Variants in TRIM36 observed in about 807,000 individuals in gnomAD.
TRIM36 encodes the protein tripartite motif containing 36, also known as E3 ubiquitin-protein ligase TRIM36.
TRIM36 carries 42 observed loss-of-function variants against 72.4 expected under a neutral mutation model. The ratio of observed to expected loss-of-function variants is 0.58; its 90% confidence interval spans 0.45 to 0.75. The LOEUF (loss-of-function observed/expected upper bound fraction) is 0.75. TRIM36 is among the 30% of genes least tolerant of loss of function. The pLI is 0.00. For synonymous variants in TRIM36, 315 were observed against 282.8 expected, an observed-to-expected ratio of 1.11 and a Z score of -1.14; for missense variants, 913 against 857.1, an observed-to-expected ratio of 1.07 and a Z score of -0.81.
At position 115,147,053 on chromosome 5, in the gene TRIM36, T is replaced by C. The variant is rs143381145; in HGVS notation, c.588+16A>G. On this transcript the variant is annotated intron_variant, in intron 3 of 9. Coordinates refer to ENST00000513154, the MANE Select transcript of TRIM36 (RefSeq NM_001300759.2). ...AAGTTAAAATAACATTCTAACTTAA[T>C]AAAAACTTCACTTACCTTGGGTCTG... 443 of 1,592,028 alleles carry C rather than the reference T, an allele frequency of 2.8e-4. No individual in the cohort carries two copies. In the African/African-American group the frequency reaches 5.0e-3, roughly 18 times the overall value.
At chr5:115,142,173 A>G (rs1753313847) in intron 4 of TRIM36, among the ~76,000 whole-genome samples, 1 of 152,194 alleles carries the variant, frequency 6.6e-6, no homozygotes, top group African/African-American at 2.4e-5. Flanking sequence ...GGCCAATCTG[A>G]GCATTTCAGG....
intron 2 of TRIM36, among the ~76,000 whole-genome samples, chr5:115,154,270 C>A (rs922105917): frequency 1.5e-4 from 22 of 151,590 alleles, no homozygotes; most frequent in Non-Finnish European, 1.2e-4. Flanking sequence ...GGATACCCCT[C>A]TAGAAACCAG....
chr5:115,163,881 A>G lies in TRIM36; in HGVS notation c.28-129T>C, dbSNP rs930410328. The G allele has an allele frequency of 5.8e-6, 5 of 855,982 alleles. No individual in the cohort carries two copies. In the African/African-American group the frequency reaches 6.8e-5, roughly 12 times the overall value. The allele number at this position is 855,982 out of a possible 1,614,324, so 53.0% of individuals were successfully genotyped here. A position where few individuals can be genotyped will look rare whatever the true frequency, so the allele number is the denominator to read the frequency against. On this transcript the variant is annotated intron_variant, in intron 1 of 9. Coordinates refer to ENST00000513154, the MANE Select transcript of TRIM36 (RefSeq NM_001300759.2). ...TAAGAAAATGATTTTCTAAATTTTA[A>G]ATTTCTTTTCCCCAATAAAATTTGA...
At chr5:115,143,603 A>G (rs1041550514) in intron 4 of TRIM36, among the ~76,000 whole-genome samples, 3 of 152,224 alleles carry the variant, frequency 2.0e-5, no homozygotes, top group Non-Finnish European at 4.4e-5. Context: ...GAGAAGGTAG[A>G]GCACAACATA....
At chr5:115,180,276 C>A, upstream of TRIM36, 1 of 435,742 alleles carries the variant, frequency 2.3e-6, no homozygotes, top group South Asian at 3.6e-5. Flanking sequence ...GCGGTCGGGG[C>A]TGCGCGATCT....
Position 115,143,080 on chromosome 5 carries a change from A to T in TRIM36, c.735+1518T>A, listed in dbSNP as rs188748902. Among the ~76,000 whole-genome samples, 1,213 of 152,220 alleles carry T rather than the reference A, an allele frequency of 8.0e-3. 7 individuals are homozygous for T. The highest frequency in any genetic ancestry group is 0.029 in the South Asian group (141 of 4,820). On this transcript the variant is annotated intron_variant, in intron 4 of 9. Coordinates refer to ENST00000513154, the MANE Select transcript of TRIM36 (RefSeq NM_001300759.2). ...ACTCCAGAGACACAAACAGTCTCCC[A>T]TACATATTCAGCAGTCCTCATCAAC...
chr5:115,149,008 C>A (rs1296411619), intron 2 of TRIM36: 1 of 152,152 alleles, frequency 6.6e-6, no homozygotes, highest in Non-Finnish European at 1.5e-5. Context: ...ATGTTAATAG[C>A]ATGCTATATG....
At chr5:115,158,519 G>T (rs972010054) in intron 2 of TRIM36, among the ~76,000 whole-genome samples, 1 of 152,186 alleles carries the variant, frequency 6.6e-6, no homozygotes, top group Non-Finnish European at 1.5e-5. Flanking sequence ...TTCTGGCTGC[G>T]ACTTCCCCAT....
chr5:115,151,748 T>C (rs1045228467), intron 2 of TRIM36, among the ~76,000 whole-genome samples: 1 of 152,164 alleles, frequency 6.6e-6, no homozygotes, highest in Non-Finnish European at 1.5e-5. Flanking sequence ...CAGAGCCTGG[T>C]ATACTTGCTG....
chr5:115,161,696 CCA>C (rs1459628082), intron 2 of TRIM36, among the ~76,000 whole-genome samples: 1 of 152,188 alleles, frequency 6.6e-6, no homozygotes, highest in Non-Finnish European at 1.5e-5. Context: ...GTTTCAGTCT[CCA>C]CAGTCCCAAA....
At chr5:115,136,865 T>C (rs1752989759) in intron 7 of TRIM36, 135 bp downstream of exon 7, 1 of 746,524 alleles carries the variant, frequency 1.3e-6, no homozygotes. Flanking sequence ...TAGGATATGA[T>C]TTCAGGATGC....
At chr5:115,178,696 T>C (rs1755461852) in intron 1 of TRIM36, among the ~76,000 whole-genome samples, 1 of 152,206 alleles carries the variant, frequency 6.6e-6, no homozygotes, top group African/African-American at 2.4e-5. Context: ...TCTCCAATTG[T>C]ACTTCTGGCC....
Position 115,125,578 on chromosome 5 carries a change from T to G in TRIM36, c.*925A>C, listed in dbSNP as rs532175245. On this transcript the variant is annotated 3_prime_UTR_variant, in exon 10 of 10. Transcript: ENST00000513154. ...AAATATAAATCAGGAAAACCTGATA[T>G]GTAATAATTGGGCCAAAAATGAAAA... The G allele has an allele frequency of 1.8e-4, 28 of 152,224 alleles. No homozygotes were observed. The highest frequency in any genetic ancestry group is 5.8e-4 in the African/African-American group (24 of 41,574). The allele number at this position is 152,224 out of a possible 1,614,324, so 9.4% of individuals were successfully genotyped here. A position where few individuals can be genotyped will look rare whatever the true frequency, so the allele number is the denominator to read the frequency against.
At chr5:115,136,690 T>C (rs1752982116) in intron 7 of TRIM36, among the ~76,000 whole-genome samples, 1 of 152,212 alleles carries the variant, frequency 6.6e-6, no homozygotes, top group Non-Finnish European at 1.5e-5. Flanking sequence ...GTTAAAATAT[T>C]GCTTTACACC....
intron 1 of TRIM36, chr5:115,177,536 GTC>G: frequency 7.3e-7 from 1 of 1,370,324 alleles, no homozygotes; most frequent in South Asian, 1.7e-5. Context: ...AGTCTCAAAG[GTC>G]TGCTATTCCA....
upstream of TRIM36, among the ~76,000 whole-genome samples, chr5:115,171,959 A>G (rs1430680089): frequency 6.6e-6 from 1 of 152,190 alleles, no homozygotes; most frequent in East Asian, 1.9e-4. Context: ...TGGTCCCATG[A>G]GATGTTTAAG....
chr5:115,150,619 C>G (rs758405013), intron 2 of TRIM36, among the ~76,000 whole-genome samples: 1 of 152,122 alleles, frequency 6.6e-6, no homozygotes, highest in South Asian at 2.1e-4. Context: ...TGCTCCAGAA[C>G]GACTACAGAA....
chr5:115,161,806 C>G (rs1035824061), intron 2 of TRIM36, among the ~76,000 whole-genome samples: 2 of 152,080 alleles, frequency 1.3e-5, no homozygotes, highest in African/African-American at 4.8e-5. Context: ...AAGGGAAAAT[C>G]AAATATTTAT....
intron 2 of TRIM36, among the ~76,000 whole-genome samples, chr5:115,152,900 A>G (rs1366650060): frequency 6.6e-6 from 1 of 152,164 alleles, no homozygotes; most frequent in Non-Finnish European, 1.5e-5. Flanking sequence ...AAACGCATCA[A>G]AACAGAACCT....
Sources: gnomAD v4.1 joint callset for allele counts (sites outside exome capture counted in the v4.1 genomes callset) on GRCh38, gnomAD v4.1.1 for gene constraint, MANE v1.5 for transcripts, NCBI Gene and HGNC (gene_info 2026-07-23, HGNC 2026-07-21) for gene names.